DNAAF8: variants seen among roughly 807,000 people sequenced by gnomAD.
DNAAF8 encodes the protein dynein axonemal-associated protein 1.
A neutral mutation model predicts 54.6 loss-of-function variants in DNAAF8; 61 were observed. The observed-to-expected ratio is 1.12, with a 90% confidence interval of 0.91 to 1.38. The LOEUF is 1.38. Among genes scored for constraint, DNAAF8 ranks in the 40% most tolerant of loss-of-function variants. DNAAF8 has a pLI of 0.00. For missense variants in DNAAF8, 837 were observed against 665.0 expected (o/e 1.26, Z -2.85); for synonymous variants, 320 against 270.1 (o/e 1.18, Z -1.81).
At position 4,736,213 on chromosome 16, in the gene DNAAF8, ATAT is replaced by A. The variant is rs1427404879; in HGVS notation, c.-51-244_-51-242del. Among the ~76,000 whole-genome samples the A allele has an allele frequency of 9.2e-5, 14 of 152,306 alleles. 1 individual carries two copies. The highest frequency in any genetic ancestry group is 3.4e-3 in the Middle Eastern group (1 of 292). On this transcript the variant is annotated intron_variant, in intron 1 of 9. Transcript: ENST00000299320. ...TATTTATATCAATACATATATTTGT[ATAT>A]TATTATGTATATATCACTATATACA...
chr16:4,740,697 G>A (rs1248044710), intron 4 of DNAAF8, 38 bp downstream of exon 4: 31 of 1,530,252 alleles, frequency 2.0e-5, no homozygotes, highest in Non-Finnish European at 2.5e-5. Context: ...TCTCAGGCCT[G>A]TTACCTGTGG....
intron 6 of DNAAF8, 151 bp from the exon 7 acceptor site, chr16:4,746,224 G>A: frequency 2.4e-6 from 2 of 833,402 alleles, no homozygotes; most frequent in Non-Finnish European, 3.7e-6. Context: ...GTTCTGAAGA[G>A]TAAAAGAGCA....
intron 4 of DNAAF8, among the ~76,000 whole-genome samples, chr16:4,740,910 C>T (rs746212199): frequency 6.6e-6 from 1 of 152,010 alleles, no homozygotes; most frequent in Non-Finnish European, 1.5e-5. Flanking sequence ...GGAGGCCAGG[C>T]ACAGCGGCTC....
chr16:4,746,155 G>C (rs1033027439), intron 6 of DNAAF8: 22 of 502,374 alleles, frequency 4.4e-5, no homozygotes, highest in Admixed American at 2.2e-4. Flanking sequence ...CACAGATAGA[G>C]AGCATGTCCA....
chr16:4,744,169 G>C (rs2081983814), intron 5 of DNAAF8, among the ~76,000 whole-genome samples: 1 of 152,090 alleles, frequency 6.6e-6, no homozygotes, highest in South Asian at 2.1e-4. Flanking sequence ...CTGACCTCAG[G>C]ATCCGCCTGC....
At chr16:4,739,880 T>C (rs1195830822) in intron 3 of DNAAF8, among the ~76,000 whole-genome samples, 1 of 151,680 alleles carries the variant, frequency 6.6e-6, no homozygotes, top group African/African-American at 2.4e-5. Context: ...TTGTAGAGAC[T>C]CTGTCACTAC....
intron 3 of DNAAF8, among the ~76,000 whole-genome samples, chr16:4,739,275 T>G (rs2081933548): frequency 7.3e-6 from 1 of 137,328 alleles, no homozygotes; most frequent in Admixed American, 7.4e-5. Context: ...GTTTTTTTTT[T>G]TTTTTTTTTT....
chr16:4,747,514 G>A lies in DNAAF8; in HGVS notation c.1452G>A (p.Lys484=), dbSNP rs2142215793. ...GRKQHMKLCA[K]GQSAQARLPR... ...AGCAACACATGAAGCTCTGTGCCAA[G>A]GGGCAGAGCGCCCAGGCTCGACTCC... is the stretch of plus-strand genomic sequence containing the variant. Residue 484 remains lysine (K), a synonymous_variant, in exon 9 of 10, where the codon AAG becomes AAA. Transcript: ENST00000299320. The A allele has an allele frequency of 6.2e-7, 1 of 1,613,266 alleles. No individual in the cohort carries two copies. Among genetic ancestry groups the A allele is most frequent in the South Asian group, 1.1e-5 (1 of 91,082 alleles).
At chr16:4,747,047 GC>G (rs1304010025) in intron 8 of DNAAF8, 22 bp downstream of exon 8, 12 of 1,505,804 alleles carry the variant, frequency 8.0e-6, no homozygotes, top group Non-Finnish European at 1.1e-5. Context: ...GGGGCCTCTC[GC>G]CACCTGCAGA....
At position 4,747,024 on chromosome 16, in the gene DNAAF8, C is replaced by T. The variant is rs765762133; in HGVS notation, c.1279C>T (p.Arg427Trp). Residue 427 changes from arginine to tryptophan, a missense_variant and splice_region_variant, in exon 8 of 10, where the codon CGG becomes TGG. By Grantham distance (101) the Arg-to-Trp change is moderately radical. Coordinates refer to ENST00000299320, the MANE Select transcript of DNAAF8 (RefSeq NM_139170.3). Reference protein sequence around the residue: ...EGASPSSLGLRTCTGKSQLLQ... With the variant: ...EGASPSSLGLWTCTGKSQLLQ... ...GGCATCTCCTTCCTCCCTGGGGCTA[C>T]GGTAACCACCCAGGGGCCTCTCGCC... 51 of 1,527,844 alleles carry T rather than the reference C, an allele frequency of 3.3e-5. No individual in the cohort carries two copies. The Middle Eastern group carries it at 9.2e-4, about 28-fold the overall frequency. 94.6% of individuals were successfully genotyped at this position (1,527,844 alleles called of 1,614,324 possible). A position where few individuals can be genotyped will look rare whatever the true frequency, so the allele number is the denominator to read the frequency against.
At chr16:4,746,821 C>A in intron 7 of DNAAF8, 106 bp from the exon 8 acceptor site, 1 of 1,078,938 alleles carries the variant, frequency 9.3e-7, no homozygotes, top group Non-Finnish European at 1.3e-6. Flanking sequence ...TGGCTGCTGA[C>A]CTCTTGCATT....
At chr16:4,746,600 G>A in intron 7 of DNAAF8, 88 bp downstream of exon 7, 1 of 1,432,638 alleles carries the variant, frequency 7.0e-7, no homozygotes, top group Non-Finnish European at 9.5e-7. Flanking sequence ...ATCCTGATGG[G>A]GAGGAACAGG....
intron 6 of DNAAF8, 199 bp from the exon 7 acceptor site, chr16:4,746,176 C>T (rs919661289): frequency 3.7e-6 from 2 of 536,112 alleles, no homozygotes; most frequent in East Asian, 3.1e-5. Context: ...TCATGAGGGA[C>T]GTTCTGTTGG....
intron 8 of DNAAF8, 108 bp downstream of exon 8, chr16:4,747,133 C>A: frequency 8.0e-7 from 1 of 1,247,584 alleles, no homozygotes; most frequent in Non-Finnish European, 1.1e-6. Context: ...TTGCTGCACC[C>A]ACCGCACAGG....
intron 3 of DNAAF8, 90 bp from the exon 4 acceptor site, chr16:4,740,063 A>G: frequency 7.0e-7 from 1 of 1,433,958 alleles, no homozygotes. Flanking sequence ...CACCTCAAAA[A>G]AAAAAAAAAA....
chr16:4,742,288 C>T (rs2081968250), intron 4 of DNAAF8, among the ~76,000 whole-genome samples: 1 of 152,080 alleles, frequency 6.6e-6, no homozygotes, highest in African/African-American at 2.4e-5. Flanking sequence ...GGCTCGGTGG[C>T]TTATGCCTGT....
chr16:4,736,783 C>G, intron 2 of DNAAF8, 140 bp downstream of exon 2: 1 of 963,524 alleles, frequency 1.0e-6, no homozygotes, highest in Admixed American at 3.2e-5. Context: ...CTTTAAATCG[C>G]ATGGCCAGAC....
At chr16:4,736,400 C>G in intron 1 of DNAAF8, 64 bp from the exon 2 acceptor site, 2 of 1,208,354 alleles carry the variant, frequency 1.7e-6, no homozygotes, top group Non-Finnish European at 2.2e-6. Flanking sequence ...GCTGGTAGAG[C>G]AGCCCCTGCT....
chr16:4,743,251 G>A (rs1596484979), intron 5 of DNAAF8, 91 bp downstream of exon 5: 2 of 932,748 alleles, frequency 2.1e-6, no homozygotes, highest in Non-Finnish European at 1.6e-6. Flanking sequence ...GCTGGTCACA[G>A]ACAGTCCTGC....
Sources: gnomAD v4.1 joint callset for allele counts (sites outside exome capture counted in the v4.1 genomes callset) on GRCh38, gnomAD v4.1.1 for gene constraint, MANE v1.5 for transcripts, NCBI Gene and HGNC (gene_info 2026-07-23, HGNC 2026-07-21) for gene names.